Variants in IRF7 observed in about 807,000 individuals in gnomAD.
IRF7 encodes interferon regulatory factor-7H.
IRF7 carries 67 observed loss-of-function variants against 51.3 expected under a neutral mutation model. That is an observed-to-expected ratio of 1.31 (90% confidence interval 1.07 to 1.60). IRF7 has a LOEUF of 1.60. IRF7 is among the 40% of genes most tolerant of loss of function. IRF7 has a pLI of 0.00. For synonymous variants in IRF7, 427 were observed against 301.3 expected (o/e 1.42, Z -4.32); for missense variants, 873 against 701.5 (o/e 1.24, Z -2.76).
intron 6 of IRF7, 62 bp downstream of exon 6, chr11:614,112 A>C: frequency 6.3e-7 from 1 of 1,582,232 alleles, no homozygotes; most frequent in Non-Finnish European, 8.6e-7. Context: ...CCCCCTTCTA[A>C]AGTGTCCGTC....
intron 10 of IRF7, 27 bp from the exon 11 acceptor site, chr11:612,827 A>C (rs201785529): frequency 6.2e-7 from 1 of 1,600,154 alleles, no homozygotes; most frequent in Non-Finnish European, 8.5e-7. Context: ...GGCGTCTGTC[A>C]GTGACCCGGC....
intron 4 of IRF7, 129 bp from the exon 5 acceptor site, chr11:614,663 G>A: frequency 7.3e-7 from 1 of 1,371,568 alleles, no homozygotes; most frequent in Non-Finnish European, 9.9e-7. Context: ...TGGGGATGTG[G>A]CTCTCCACCT....
Position 615,612 on chromosome 11 carries a change from A to G in IRF7, c.-248T>C, listed in dbSNP as rs1424471927. The G allele has an allele frequency of 8.7e-6, 4 of 457,774 alleles. No homozygotes were observed. Among genetic ancestry groups the G allele is most frequent in the Non-Finnish European group, 1.5e-5 (4 of 261,058 alleles). The allele number at this position is 457,774 out of a possible 1,614,324, so 28.4% of individuals were successfully genotyped here. On this transcript the variant is annotated 5_prime_UTR_variant, in exon 2 of 11. Coordinates refer to ENST00000525445, the MANE Select transcript of IRF7 (RefSeq NM_001572.5). Reference sequence around the variant, plus strand: ...CACATGAAGTCACAGGTGTTGAACCAGTGTCCAGGCCTGGCGGGAAGGCGC... The same window carrying G: ...CACATGAAGTCACAGGTGTTGAACCGGTGTCCAGGCCTGGCGGGAAGGCGC...
chr11:615,729 C>T, intron 1 of IRF7, 82 bp from the exon 2 acceptor site: 1 of 311,220 alleles, frequency 3.2e-6, no homozygotes, highest in Admixed American at 4.8e-5. Context: ...TTCGCACCCT[C>T]CTCGATCCCA....
rs757871091 is a variant in IRF7 at position 614,893 on chromosome 11, G to C, written c.298C>G (p.Arg100Gly). Residue 100 changes from arginine (R) to glycine (G), a missense_variant, in exon 4 of 11, where the codon CGC becomes GGC. Coordinates refer to ENST00000525445, the MANE Select transcript of IRF7 (RefSeq NM_001572.5). ...GWKTNFRCALRSTRRFVMLRD... is the reference protein window; with the variant it reads ...GWKTNFRCALGSTRRFVMLRD... ...AGCATCACGAAGCGACGCGTGCTGC[G>C]CAGTGCGCAGCGGAAGTTGGTTTTC... 1.3e-6 allele frequency: 2 copies of C among 1,586,580 alleles called. No homozygotes were observed. Among genetic ancestry groups the C allele is most frequent in the Non-Finnish European group, 1.7e-6 (2 of 1,169,100 alleles).
chr11:613,896 C>T (rs367648143), intron 7 of IRF7, 31 bp from the exon 8 acceptor site: 55 of 1,598,988 alleles, frequency 3.4e-5, no homozygotes, highest in Admixed American at 1.5e-4. Context: ...TGTGCTGGCA[C>T]CTCATCCCTA....
rs185054550 is a variant in IRF7, at chr11:615,367, C to G, written c.-3G>C. ...TACCTCTCAGGAGCCAAGGCCATTGCTCCTTCTGCAGGGGCAGTTAGGTGG... is the reference window on the plus strand; with the variant it reads ...TACCTCTCAGGAGCCAAGGCCATTGGTCCTTCTGCAGGGGCAGTTAGGTGG... On this transcript the variant is annotated 5_prime_UTR_variant, in exon 2 of 11. Transcript: ENST00000525445. The G allele has an allele frequency of 6.6e-7, 1 of 1,505,176 alleles. No homozygotes were observed. The highest frequency in any genetic ancestry group is 8.8e-7 in the Non-Finnish European group (1 of 1,132,498). 93.2% of individuals were successfully genotyped at this position (1,505,176 alleles called of 1,614,324 possible).
At chr11:614,629 C>A in intron 4 of IRF7, 95 bp from the exon 5 acceptor site, 1 of 1,471,942 alleles carries the variant, frequency 6.8e-7, no homozygotes, top group Non-Finnish European at 9.2e-7. Flanking sequence ...TGGCTGTGAA[C>A]CCTTAGGCTG....
chr11:613,191 A>AGGGGCCCC lies in IRF7; in HGVS notation c.1237+14_1237+15insGGGGCCCC. The AGGGGCCCC allele has an allele frequency of 6.3e-7, 1 of 1,593,004 alleles. No homozygotes were observed. The highest frequency in any genetic ancestry group is 1.7e-5 in the Admixed American group (1 of 57,600). On this transcript the variant is annotated intron_variant, in intron 9 of 10. Coordinates refer to ENST00000525445, the MANE Select transcript of IRF7 (RefSeq NM_001572.5). ...GACCCCTGGAGACAGCCCCCCAGGCAAGGGCCTCACTGACCTTGGAAGAAG... is the reference window on the plus strand; with the variant it reads ...GACCCCTGGAGACAGCCCCCCAGGCAGGGGCCCCAGGGCCTCACTGACCTTGGAAGAAG...
At position 614,003 on chromosome 11, in the gene IRF7, CCA is replaced by C; in HGVS notation, c.712_713del (p.Trp238GlyfsTer163). ...PGLPAGELYGWAVETTPSPGP... is the reference protein window; with the variant it reads ...PGLPAGELYGXAVETTPSPGP... ...CGGGGCTGGGGGTCGTCTCTACTGC[CCA>C]CCCGTACAGCTCCCCAGCAGGGAGC... On this transcript the variant is annotated frameshift_variant, in exon 7 of 11. Transcript: ENST00000525445. LOFTEE classifies it high-confidence loss of function. 2 of 1,609,394 alleles carry C rather than the reference CCA, an allele frequency of 1.2e-6. No homozygotes were observed. The highest frequency in any genetic ancestry group is 1.7e-6 in the Non-Finnish European group (2 of 1,178,744).
Position 613,733 on chromosome 11 carries a change from TGAGTGACGGGGGTGGGC to T in IRF7, c.847+35_847+51del, listed in dbSNP as rs1856606449. On this transcript the variant is annotated intron_variant, in intron 8 of 10. Coordinates refer to ENST00000525445, the MANE Select transcript of IRF7 (RefSeq NM_001572.5). ...GTGATGGGTGGGCGGGGACAAGCCG[TGAGTGACGGGGGTGGGC>T]GGGGACAGGCTGCCCCTTCCTGGGA... 7.4e-6 allele frequency: 8 copies of T among 1,077,676 alleles called. No individual in the cohort carries two copies. The East Asian group carries it at 3.3e-4, about 45-fold the overall frequency. 66.8% of individuals were successfully genotyped at this position (1,077,676 alleles called of 1,614,324 possible). A position where few individuals can be genotyped will look rare whatever the true frequency, so the allele number is the denominator to read the frequency against.
chr11:615,173 G>A lies in IRF7; in HGVS notation c.107C>T (p.Ala36Val). The A allele has an allele frequency of 6.2e-7, 1 of 1,603,374 alleles. No homozygotes were observed. The change falls in exon 3 of 11, where the codon GCC (alanine) becomes GTC (valine). Residue 36 changes from alanine to valine, a missense_variant. By Grantham distance (64) the Ala-to-Val change is moderately conservative. Coordinates refer to ENST00000525445, the MANE Select transcript of IRF7 (RefSeq NM_001572.5). ...CYEGLQWLDE[A>V]RTCFRVPWKH... Reference sequence around the variant, plus strand: ...CCAGGGCACGCGGAAACAGGTGCGGGCCTCGTCCAGCCACTGCAGCCCCTC... The same window carrying A: ...CCAGGGCACGCGGAAACAGGTGCGGACCTCGTCCAGCCACTGCAGCCCCTC...
At position 615,542 on chromosome 11, in the gene IRF7, G is replaced by A. The variant is rs1401807816; in HGVS notation, c.-178C>T. On this transcript the variant is annotated 5_prime_UTR_variant, in exon 2 of 11. Coordinates refer to ENST00000525445, the MANE Select transcript of IRF7 (RefSeq NM_001572.5). ...GACGCTGCCTCGGTATGGATCTCTTGGCAGAGGGGGCTACAGGTGTGACTG... is the reference window on the plus strand; with the variant it reads ...GACGCTGCCTCGGTATGGATCTCTTAGCAGAGGGGGCTACAGGTGTGACTG... 5 of 634,084 alleles carry A rather than the reference G, an allele frequency of 7.9e-6. No homozygotes were observed. Among genetic ancestry groups the A allele is most frequent in the Non-Finnish European group, 1.0e-5 (4 of 387,742 alleles). The allele number at this position is 634,084 out of a possible 1,614,324, so 39.3% of individuals were successfully genotyped here. A position where few individuals can be genotyped will look rare whatever the true frequency, so the allele number is the denominator to read the frequency against.
chr11:613,730 C>T (rs566243640), intron 8 of IRF7, 55 bp downstream of exon 8: 24 of 1,143,770 alleles, frequency 2.1e-5, no homozygotes, highest in African/African-American at 1.1e-4. Context: ...CGGGGACAAG[C>T]CGTGAGTGAC....
chr11:614,327 C>T lies in IRF7; in HGVS notation c.526G>A (p.Ala176Thr). The T allele has an allele frequency of 6.2e-7, 1 of 1,611,274 alleles. No individual in the cohort carries two copies. The highest frequency in any genetic ancestry group is 2.2e-5 in the East Asian group (1 of 44,854). ...AGCAGGAGGTCCCCCTTGTCACCAG[C>T]TGGGGCAGGGAGGGGGCCTGGGGCT... ...LQAPGPLPAP[A>T]GDKGDLLLQA... is the part of the protein sequence containing the mutation. Residue 176 changes from alanine to threonine, a missense_variant, in exon 6 of 11, where the codon GCT becomes ACT. Ala to Thr is a moderately conservative substitution (Grantham distance 58, BLOSUM62 0). Coordinates refer to ENST00000525445, the MANE Select transcript of IRF7 (RefSeq NM_001572.5).
rs10902178 is a variant in IRF7 at position 612,843 on chromosome 11, T to G, written c.1357-43A>C. 0.27 allele frequency: 433,420 copies of G among 1,597,786 alleles called. 64,101 individuals carry two copies. The highest frequency in any genetic ancestry group is 0.52 in the African/African-American group (38,868 of 74,652). On this transcript the variant is annotated intron_variant, in intron 10 of 10. Coordinates refer to ENST00000525445, the MANE Select transcript of IRF7 (RefSeq NM_001572.5). ...GCGTCTGTCAGTGACCCGGCGTGTGTCCTCCCCTCCCCCTCCCCAGGCTCT... is the reference window on the plus strand; with the variant it reads ...GCGTCTGTCAGTGACCCGGCGTGTGGCCTCCCCTCCCCCTCCCCAGGCTCT...
Position 614,804 on chromosome 11 carries a change from G to A in IRF7, c.387C>T (p.Cys129=). ...GCAGCCGGCGTCGCTCACCTCGCCA[G>A]CACAGCTCCCGGCTGAGCGCGTACA... ...HKVYALSREL[C]WREGPGTDQT... is the part of the protein sequence containing the mutation. Residue 129 remains cysteine (C), a synonymous_variant, in exon 4 of 11, where the codon TGC becomes TGT. Transcript: ENST00000525445. The A allele has an allele frequency of 1.3e-6, 2 of 1,546,526 alleles. No homozygotes were observed. Among genetic ancestry groups the A allele is most frequent in the Middle Eastern group, 1.7e-4 (1 of 5,978 alleles).
chr11:614,140 C>T (rs1241018317), intron 6 of IRF7, 34 bp downstream of exon 6: 24 of 1,596,964 alleles, frequency 1.5e-5, no homozygotes, highest in Non-Finnish European at 1.9e-5. Flanking sequence ...ACTGGCCCCT[C>T]CCGCGCTCCC....
chr11:613,649 T>G, intron 8 of IRF7, 54 bp from the exon 9 acceptor site: 1 of 568,720 alleles, frequency 1.8e-6, no homozygotes, highest in East Asian at 7.6e-5. Context: ...AGGCTGTGAG[T>G]GACGGGGGTG....
Sources: allele counts gnomAD v4.1 joint callset, GRCh38; gene constraint gnomAD v4.1.1; transcripts MANE v1.5; gene names NCBI Gene and HGNC (gene_info 2026-07-23, HGNC 2026-07-21).